Variants in CNTLN observed in about 807,000 individuals in gnomAD.
CNTLN encodes centlein, centrosomal protein.
Under a neutral mutation model 180.0 loss-of-function variants are expected in CNTLN, and 212 were observed. The observed-to-expected ratio is 1.18, with a 90% CI of 1.05 to 1.32. CNTLN has a LOEUF of 1.32. Ranked by LOEUF, CNTLN falls within the 40% of genes most tolerant of loss-of-function variation. The pLI is 0.00. For synonymous variants in CNTLN, 722 were observed against 563.1 expected (o/e 1.28, Z -3.99); for missense variants, 2,095 against 1,610.9 (o/e 1.30, Z -5.14).
intron 2 of CNTLN, among the ~76,000 whole-genome samples, chr9:17,146,630 C>A (rs770737661): frequency 2.6e-5 from 4 of 152,100 alleles, no homozygotes; most frequent in Non-Finnish European, 4.4e-5. Flanking sequence ...TCTGCTGGTG[C>A]CTTGATCTTG....
intron 18 of CNTLN, among the ~76,000 whole-genome samples, chr9:17,430,812 G>A (rs1040733603): frequency 1.3e-5 from 2 of 152,034 alleles, no homozygotes; most frequent in Non-Finnish European, 2.9e-5. Context: ...ATTTGTATTT[G>A]TGTGCCTGGC....
chr9:17,302,181 A>G (rs1818415839), intron 7 of CNTLN: 2 of 905,768 alleles, frequency 2.2e-6, no homozygotes, highest in Non-Finnish European at 1.3e-6. Context: ...CTATAACATC[A>G]TATTAACCAT....
rs146655771 is a variant in CNTLN at position 17,295,365 on chromosome 9, G to C, written c.984-2825G>C. 2.8e-4 allele frequency among the ~76,000 whole-genome samples: 42 copies of C among 152,318 alleles called. 1 individual carries two copies. Among genetic ancestry groups the C allele is most frequent in the East Asian group, 5.8e-4 (3 of 5,156 alleles). On this transcript the variant is annotated intron_variant, in intron 6 of 25. Coordinates refer to ENST00000380647, the MANE Select transcript of CNTLN (RefSeq NM_017738.4). Reference sequence around the variant, plus strand: ...GGCGCGGAGAGCGAGCCACGACTGCGAGGGCTGCCAGCACACTGGCACCTC... The same window carrying C: ...GGCGCGGAGAGCGAGCCACGACTGCCAGGGCTGCCAGCACACTGGCACCTC...
At chr9:17,472,349 C>T (rs920084741) in intron 23 of CNTLN, among the ~76,000 whole-genome samples, 2 of 152,042 alleles carry the variant, frequency 1.3e-5, no homozygotes, top group African/African-American at 4.8e-5. Context: ...TAGAGTCACG[C>T]ACCCCAATTA....
At chr9:17,264,899 A>T (rs976130178) in intron 5 of CNTLN, among the ~76,000 whole-genome samples, 20 of 150,672 alleles carry the variant, frequency 1.3e-4, no homozygotes, top group Non-Finnish European at 2.8e-4. Context: ...TTGTATCCTG[A>T]GACTTTGCCG....
intron 23 of CNTLN, among the ~76,000 whole-genome samples, chr9:17,474,954 C>G (rs536817586): frequency 6.6e-6 from 1 of 152,076 alleles, no homozygotes; most frequent in East Asian, 1.9e-4. Flanking sequence ...AATGGAAAAC[C>G]TTGACTGCCC....
intron 18 of CNTLN, among the ~76,000 whole-genome samples, chr9:17,419,263 G>A (rs1828510958): frequency 6.6e-6 from 1 of 152,052 alleles, no homozygotes; most frequent in Non-Finnish European, 1.5e-5. Flanking sequence ...AAATATCATT[G>A]TAAAATATTC....
Position 17,347,191 on chromosome 9 carries a change from CAT to C in CNTLN, c.1886+4748_1886+4749del, listed in dbSNP as rs1430708848. Among the ~76,000 whole-genome samples, 6 of 152,166 alleles carry C rather than the reference CAT, an allele frequency of 3.9e-5. 1 individual carries two copies. Among genetic ancestry groups the C allele is most frequent in the South Asian group, 2.1e-4 (1 of 4,822 alleles). On this transcript the variant is annotated intron_variant, in intron 12 of 25. Coordinates refer to ENST00000380647, the MANE Select transcript of CNTLN (RefSeq NM_017738.4). Reference sequence around the variant, plus strand: ...TAAAGTTCTTGTCAAGTAATTCCGACATGTGTTATATCATGGTGGTGGCATCC... The same window carrying C: ...TAAAGTTCTTGTCAAGTAATTCCGACGTGTTATATCATGGTGGTGGCATCC...
intron 5 of CNTLN, among the ~76,000 whole-genome samples, chr9:17,248,543 T>TTAC (rs1445491846): frequency 6.8e-6 from 1 of 147,544 alleles, no homozygotes; most frequent in Non-Finnish European, 1.5e-5. Flanking sequence ...ATTATAAATA[T>TTAC]ATTTAATAAT....
intron 2 of CNTLN, among the ~76,000 whole-genome samples, chr9:17,144,881 C>G (rs984204911): frequency 1.3e-5 from 2 of 148,708 alleles, no homozygotes; most frequent in African/African-American, 4.9e-5. Context: ...GTCGCCCAGG[C>G]CAGACTGCGG....
intron 7 of CNTLN, among the ~76,000 whole-genome samples, chr9:17,302,289 C>T (rs1818425650): frequency 6.6e-6 from 1 of 152,022 alleles, no homozygotes; most frequent in Non-Finnish European, 1.5e-5. Context: ...CTCTGCCTCC[C>T]AGGCTTCAAG....
intron 18 of CNTLN, among the ~76,000 whole-genome samples, chr9:17,444,684 A>G (rs1830301250): frequency 6.6e-6 from 1 of 152,216 alleles, no homozygotes; most frequent in African/African-American, 2.4e-5. Flanking sequence ...TACATGAATC[A>G]TTGTCCTTGA....
chr9:17,317,708 A>G (rs1819622578), intron 8 of CNTLN, among the ~76,000 whole-genome samples: 1 of 152,184 alleles, frequency 6.6e-6, no homozygotes, highest in South Asian at 2.1e-4. Context: ...ATATAGAAGA[A>G]GTGAATCATT....
chr9:17,494,327 A>G (rs760421554), intron 25 of CNTLN, among the ~76,000 whole-genome samples: 3 of 152,174 alleles, frequency 2.0e-5, no homozygotes, highest in Non-Finnish European at 2.9e-5. Context: ...ACACTATACA[A>G]TGGTGTCCCC....
intron 5 of CNTLN, among the ~76,000 whole-genome samples, chr9:17,243,349 T>C (rs1236707511): frequency 6.6e-6 from 1 of 152,178 alleles, no homozygotes; most frequent in African/African-American, 2.4e-5. Context: ...TTATTTCTTT[T>C]CTTCTAATTT....
intron 2 of CNTLN, among the ~76,000 whole-genome samples, chr9:17,188,996 C>G (rs934942831): frequency 6.8e-6 from 1 of 147,940 alleles, no homozygotes; most frequent in African/African-American, 2.5e-5. Flanking sequence ...TTGTTGTATT[C>G]CTTTAAGGAA....
intron 6 of CNTLN, among the ~76,000 whole-genome samples, chr9:17,294,439 C>A (rs183648585): frequency 6.6e-6 from 1 of 151,730 alleles, no homozygotes; most frequent in Admixed American, 6.6e-5. Flanking sequence ...CCACTAGATT[C>A]TTTAGATACA....
intron 2 of CNTLN, among the ~76,000 whole-genome samples, chr9:17,209,732 A>G (rs1823159261): frequency 6.6e-6 from 1 of 152,084 alleles, no homozygotes; most frequent in South Asian, 2.1e-4. Flanking sequence ...AGCTACTCAT[A>G]CTCATTTGAG....
At chr9:17,153,203 T>C (rs2774629) in intron 2 of CNTLN, among the ~76,000 whole-genome samples, 39,939 of 152,022 alleles carry the variant, frequency 0.26, 6,619 homozygotes, top group African/African-American at 0.48. Flanking sequence ...TGTCATGATG[T>C]TAGCTGGTTG....
Sources: gnomAD v4.1 joint callset for allele counts (sites outside exome capture counted in the v4.1 genomes callset) on GRCh38, gnomAD v4.1.1 for gene constraint, MANE v1.5 for transcripts, NCBI Gene and HGNC (gene_info 2026-07-23, HGNC 2026-07-21) for gene names.